Variants in RAD51B observed in about 807,000 individuals in gnomAD.
The protein encoded by RAD51B is RAD51 paralog B, also known as DNA repair protein RAD51 homolog 2.
A neutral mutation model predicts 42.2 loss-of-function variants in RAD51B; 38 were observed. The observed-to-expected ratio is 0.90, with a 90% CI of 0.70 to 1.18. The LOEUF is 1.18. Ranked by LOEUF, RAD51B falls within the 50% of genes most tolerant of loss-of-function variation. RAD51B has a pLI of 0.00. For missense variants in RAD51B, 373 were observed against 400.7 expected, an observed-to-expected ratio of 0.93 and a Z score of 0.59; for synonymous variants, 154 against 145.2, an observed-to-expected ratio of 1.06 and a Z score of -0.43.
At chr14:68,584,297 A>G (rs995936003) in intron 10 of RAD51B, among the ~76,000 whole-genome samples, 1 of 151,272 alleles carries the variant, frequency 6.6e-6, no homozygotes, top group Non-Finnish European at 1.5e-5. Context: ...GGAATCTAGG[A>G]CCTCCTTGGG....
At chr14:68,151,823 CTTTTTTTTTTTTTTTTTTTTTTTTT>C (rs71129868) in intron 7 of RAD51B, among the ~76,000 whole-genome samples, 2 of 39,936 alleles carry the variant, frequency 5.0e-5, no homozygotes, top group Admixed American at 4.1e-4. Flanking sequence ...GTTATAAAGA[CTTTTTTTTTTTTTTTTTTTTTTTTT>C]TTTTTTTTTT....
chr14:68,374,799 T>G (rs1324742131), intron 8 of RAD51B, among the ~76,000 whole-genome samples: 1 of 150,178 alleles, frequency 6.7e-6, no homozygotes, highest in Non-Finnish European at 1.5e-5. Context: ...TTAGGTAACT[T>G]TGGTATGCTT....
intron 7 of RAD51B, among the ~76,000 whole-genome samples, chr14:67,934,613 A>G (rs2044867000): frequency 6.6e-6 from 1 of 152,160 alleles, no homozygotes; most frequent in African/African-American, 2.4e-5. Flanking sequence ...CCTGTAGAGT[A>G]TGTTAAATAA....
intron 7 of RAD51B, among the ~76,000 whole-genome samples, chr14:67,914,911 G>A (rs1314635704): frequency 5.3e-5 from 8 of 152,100 alleles, no homozygotes; most frequent in Admixed American, 6.5e-5. Flanking sequence ...TCTTTTTGTC[G>A]GGGATGCCAC....
At chr14:68,563,142 C>T (rs914437609) in intron 10 of RAD51B, 18 of 985,420 alleles carry the variant, frequency 1.8e-5, no homozygotes, top group African/African-American at 5.2e-5. Flanking sequence ...TTTGACTTGG[C>T]GAAGGAGAGA....
At chr14:68,677,270 G>A (rs1489614383) in intron 11 of RAD51B, among the ~76,000 whole-genome samples, 1 of 152,170 alleles carries the variant, frequency 6.6e-6, no homozygotes, top group African/African-American at 2.4e-5. Flanking sequence ...TCAGTATCCA[G>A]GGCAGAATAT....
intron 11 of RAD51B, among the ~76,000 whole-genome samples, chr14:68,654,477 G>T (rs1405236916): frequency 2.0e-5 from 3 of 152,204 alleles, no homozygotes; most frequent in Admixed American, 6.5e-5. Flanking sequence ...GACATGAGCT[G>T]CTAATTTTGT....
At chr14:67,840,622 A>C (rs1156893992) in intron 4 of RAD51B, among the ~76,000 whole-genome samples, 1 of 152,062 alleles carries the variant, frequency 6.6e-6, no homozygotes, top group African/African-American at 2.4e-5. Context: ...TGGTAGAGTG[A>C]TTTATTTTCC....
chr14:68,293,892 C>T (rs1383345096), intron 8 of RAD51B, among the ~76,000 whole-genome samples: 1 of 152,188 alleles, frequency 6.6e-6, no homozygotes, highest in Non-Finnish European at 1.5e-5. Flanking sequence ...AAGTTCTAGA[C>T]ACATACTAGG....
At chr14:68,190,840 T>C (rs2079250940) in intron 7 of RAD51B, among the ~76,000 whole-genome samples, 1 of 152,214 alleles carries the variant, frequency 6.6e-6, no homozygotes, top group South Asian at 2.1e-4. Flanking sequence ...CTCTAGAAGC[T>C]AGCATTTTAT....
chr14:68,561,224 G>A (rs1306181630), intron 10 of RAD51B, among the ~76,000 whole-genome samples: 1 of 152,168 alleles, frequency 6.6e-6, no homozygotes, highest in Non-Finnish European at 1.5e-5. Context: ...GGTGATCAAC[G>A]TATCCTAATT....
chr14:68,488,513 C>T (rs534679720), intron 10 of RAD51B, among the ~76,000 whole-genome samples: 21 of 152,256 alleles, frequency 1.4e-4, no homozygotes, highest in Admixed American at 1.1e-3. Context: ...ATTCCCCACC[C>T]TTTGTATTTG....
chr14:68,248,291 A>C (rs2080542672), intron 7 of RAD51B, among the ~76,000 whole-genome samples: 1 of 152,152 alleles, frequency 6.6e-6, no homozygotes, highest in Non-Finnish European at 1.5e-5. Flanking sequence ...CCTGGAGGGA[A>C]TAGGCCTTTT....
chr14:67,868,442 T>G (rs1169042976), intron 5 of RAD51B, among the ~76,000 whole-genome samples: 11 of 152,340 alleles, frequency 7.2e-5, no homozygotes, highest in African/African-American at 2.6e-4. Flanking sequence ...CCTACGCCCA[T>G]GGAGTCTCAC....
intron 7 of RAD51B, among the ~76,000 whole-genome samples, chr14:68,102,648 C>T (rs2077310771): frequency 6.6e-6 from 1 of 152,124 alleles, no homozygotes; most frequent in African/African-American, 2.4e-5. Context: ...TCTTCTGAGC[C>T]CTCTAAGTCT....
At chr14:67,902,698 G>A (rs985706227) in intron 7 of RAD51B, among the ~76,000 whole-genome samples, 1 of 152,122 alleles carries the variant, frequency 6.6e-6, no homozygotes, top group Admixed American at 6.5e-5. Context: ...ATGGATCAGT[G>A]TAGTTCTTTT....
At chr14:67,877,787 C>G (rs1341198712) in intron 5 of RAD51B, among the ~76,000 whole-genome samples, 2 of 152,176 alleles carry the variant, frequency 1.3e-5, no homozygotes, top group South Asian at 4.1e-4. Flanking sequence ...TTTAGCCTCC[C>G]AAATAGCTGG....
intron 8 of RAD51B, among the ~76,000 whole-genome samples, chr14:68,408,078 C>G (rs751070939): frequency 6.3e-4 from 96 of 152,100 alleles, no homozygotes; most frequent in Non-Finnish European, 1.1e-3. Flanking sequence ...GCAGCACAGA[C>G]AACAGGCAAC....
intron 11 of RAD51B, among the ~76,000 whole-genome samples, chr14:68,678,525 G>A (rs1893360074): frequency 6.6e-6 from 1 of 152,102 alleles, no homozygotes; most frequent in Non-Finnish European, 1.5e-5. Context: ...AGCATGCCTA[G>A]TGCTGACAAG....
Sources: allele counts gnomAD v4.1 joint callset (sites outside exome capture counted in the v4.1 genomes callset), GRCh38; gene constraint gnomAD v4.1.1; transcripts MANE v1.5; gene names NCBI Gene and HGNC (gene_info 2026-07-23, HGNC 2026-07-21).